CNTN4: variants seen among roughly 807,000 people sequenced by gnomAD.
CNTN4 encodes the protein contactin-4.
Under a neutral mutation model 122.5 loss-of-function variants are expected in CNTN4, and 77 were observed. The observed-to-expected ratio is 0.63, with a 90% CI of 0.52 to 0.76. CNTN4 has a LOEUF of 0.76. Ranked by LOEUF, CNTN4 falls within the 30% of genes least tolerant of loss-of-function variation. The probability of loss-of-function intolerance (pLI) is 0.00; values close to 1 mark genes in which losing one functional copy is unlikely to be tolerated. For missense variants in CNTN4, 1,256 were observed against 1,259.1 expected, an observed-to-expected ratio of 1.00 and a Z score of 0.04; for synonymous variants, 512 against 447.0, an observed-to-expected ratio of 1.15 and a Z score of -1.83.
intron 13 of CNTN4, among the ~76,000 whole-genome samples, chr3:2,927,889 AG>A (rs1192086285): frequency 2.0e-5 from 3 of 152,228 alleles, no homozygotes; most frequent in Non-Finnish European, 4.4e-5. Flanking sequence ...TATCAATATT[AG>A]CACTTATTCT....
chr3:2,291,012 T>C (rs1342420462), intron 2 of CNTN4, among the ~76,000 whole-genome samples: 2 of 152,212 alleles, frequency 1.3e-5, no homozygotes, highest in Non-Finnish European at 2.9e-5. Context: ...AGAATCCAAC[T>C]ATATATATTG....
At chr3:2,418,396 GCTAA>G (rs1238749579) in intron 3 of CNTN4, among the ~76,000 whole-genome samples, 3 of 152,224 alleles carry the variant, frequency 2.0e-5, no homozygotes, top group Non-Finnish European at 4.4e-5. Flanking sequence ...ATTTACAAAT[GCTAA>G]CTAAGACATA....
intron 4 of CNTN4, among the ~76,000 whole-genome samples, chr3:2,720,547 A>G (rs2087784980): frequency 6.6e-6 from 1 of 152,164 alleles, no homozygotes; most frequent in Non-Finnish European, 1.5e-5. Flanking sequence ...TTACTCTCCT[A>G]GAGGCAAAAA....
At position 2,714,508 on chromosome 3, in the gene CNTN4, A is replaced by G. The variant is rs575146727; in HGVS notation, c.56-21707A>G. Among the ~76,000 whole-genome samples, 4 of 152,222 alleles carry G rather than the reference A, an allele frequency of 2.6e-5. No homozygotes were observed. In the East Asian group the frequency reaches 7.7e-4, roughly 29 times the overall value. On this transcript the variant is annotated intron_variant, in intron 4 of 24. Coordinates refer to ENST00000418658, the MANE Select transcript of CNTN4 (RefSeq NM_175607.3). ...AAAAAGAACCTAAGAGTGAAAGAGG[A>G]AGATAGCACCTGTGGAGTAAGCCAG...
At chr3:2,829,451 C>G (rs1313182467) in intron 7 of CNTN4, among the ~76,000 whole-genome samples, 1 of 152,142 alleles carries the variant, frequency 6.6e-6, no homozygotes, top group African/African-American at 2.4e-5. Context: ...GATCATTTAG[C>G]TCAAAGAAAG....
chr3:2,185,925 CT>C (rs1304018051), intron 2 of CNTN4, among the ~76,000 whole-genome samples: 2 of 151,604 alleles, frequency 1.3e-5, no homozygotes, highest in African/African-American at 4.8e-5. Context: ...CTGTTTTTTT[CT>C]TTTTTTAATT....
chr3:2,617,706 C>A (rs937793492), intron 4 of CNTN4, among the ~76,000 whole-genome samples: 18 of 151,946 alleles, frequency 1.2e-4, no homozygotes, highest in African/African-American at 4.4e-4. Flanking sequence ...CAGGTGTGAG[C>A]CACTGGTGGC....
intron 14 of CNTN4, among the ~76,000 whole-genome samples, chr3:3,006,978 A>T (rs1365119067): frequency 6.6e-6 from 1 of 152,184 alleles, no homozygotes; most frequent in Admixed American, 6.5e-5. Flanking sequence ...ATCCAAGAGC[A>T]ATGTCTCCAA....
intron 2 of CNTN4, among the ~76,000 whole-genome samples, chr3:2,286,084 T>G (rs1408597375): frequency 1.3e-5 from 2 of 151,052 alleles, no homozygotes; most frequent in Non-Finnish European, 3.0e-5. Context: ...CTTGCTGACT[T>G]TGGGTGGCTT....
intron 6 of CNTN4, among the ~76,000 whole-genome samples, chr3:2,781,334 T>G (rs1287917635): frequency 1.3e-5 from 2 of 152,172 alleles, no homozygotes; most frequent in Non-Finnish European, 2.9e-5. Flanking sequence ...TAAAATGCTT[T>G]GCAAAGTTTT....
intron 2 of CNTN4, among the ~76,000 whole-genome samples, chr3:2,264,631 A>G (rs957562713): frequency 2.6e-5 from 4 of 152,058 alleles, no homozygotes; most frequent in African/African-American, 7.2e-5. Context: ...GCTTCATGCA[A>G]TCCAATTTGT....
At chr3:2,254,062 C>T (rs553728320) in intron 2 of CNTN4, among the ~76,000 whole-genome samples, 10 of 149,494 alleles carry the variant, frequency 6.7e-5, no homozygotes, top group African/African-American at 2.2e-4. Flanking sequence ...CCTACAGGCC[C>T]CAGTATGTGA....
At chr3:2,763,244 T>C (rs2090680980) in intron 6 of CNTN4, among the ~76,000 whole-genome samples, 1 of 152,176 alleles carries the variant, frequency 6.6e-6, no homozygotes, top group Non-Finnish European at 1.5e-5. Context: ...CACACGCAGC[T>C]GATGTTGAGC....
intron 3 of CNTN4, among the ~76,000 whole-genome samples, chr3:2,440,140 T>C (rs1432488831): frequency 6.6e-6 from 1 of 152,178 alleles, no homozygotes; most frequent in Non-Finnish European, 1.5e-5. Flanking sequence ...AGATCACTTT[T>C]TTTAAAAAAT....
intron 3 of CNTN4, among the ~76,000 whole-genome samples, chr3:2,350,077 G>T (rs1020030691): frequency 6.6e-6 from 1 of 152,160 alleles, no homozygotes; most frequent in Non-Finnish European, 1.5e-5. Context: ...GTGTCTTAGA[G>T]AAGTCATCGT....
intron 4 of CNTN4, among the ~76,000 whole-genome samples, chr3:2,662,644 T>C (rs1369725832): frequency 6.6e-6 from 1 of 152,108 alleles, no homozygotes; most frequent in Admixed American, 6.6e-5. Context: ...TCAACCTCAA[T>C]GGGCAATATG....
At chr3:2,229,538 G>GT (rs2039407165) in intron 2 of CNTN4, among the ~76,000 whole-genome samples, 1 of 152,078 alleles carries the variant, frequency 6.6e-6, no homozygotes, top group African/African-American at 2.4e-5. Context: ...ATATAGTTAC[G>GT]TAAGTATTTG....
chr3:2,428,979 CT>C (rs1472917096), intron 3 of CNTN4, among the ~76,000 whole-genome samples: 3 of 152,126 alleles, frequency 2.0e-5, no homozygotes, highest in Non-Finnish European at 4.4e-5. Flanking sequence ...TTCATCTAAT[CT>C]TTTTTCAAGG....
At chr3:2,325,295 T>A (rs2043414608) in intron 2 of CNTN4, among the ~76,000 whole-genome samples, 1 of 152,230 alleles carries the variant, frequency 6.6e-6, no homozygotes, top group African/African-American at 2.4e-5. Flanking sequence ...TATTTTTTGC[T>A]TTATATAATA....
Sources: allele counts gnomAD v4.1 joint callset (sites outside exome capture counted in the v4.1 genomes callset), GRCh38; gene constraint gnomAD v4.1.1; transcripts MANE v1.5; gene names NCBI Gene and HGNC (gene_info 2026-07-23, HGNC 2026-07-21).